RAB38: variants seen among roughly 807,000 people sequenced by gnomAD.
RAB38 encodes the protein ras-related protein Rab-38.
In RAB38, 15 loss-of-function variants were observed where a neutral mutation model predicts 18.4. The ratio of observed to expected loss-of-function variants is 0.82; its 90% confidence interval spans 0.55 to 1.26. The LOEUF (loss-of-function observed/expected upper bound fraction) is 1.26. RAB38 is among the 50% of genes most tolerant of loss of function. RAB38 has a pLI of 0.00. For missense variants in RAB38, 294 were observed against 267.4 expected (o/e 1.10, Z -0.69); for synonymous variants, 101 against 104.4 (o/e 0.97, Z 0.20).
At chr11:88,152,439 A>ATG (rs1285630159) in intron 1 of RAB38, among the ~76,000 whole-genome samples, 1 of 152,120 alleles carries the variant, frequency 6.6e-6, no homozygotes, top group Non-Finnish European at 1.5e-5. Context: ...GTATATATAT[A>ATG]TGTGTGTGTG....
chr11:88,050,845 G>C, the RAB38 span, among the ~76,000 whole-genome samples: 1 of 152,132 alleles, frequency 6.6e-6, no homozygotes, highest in Admixed American at 6.5e-5. Flanking sequence ...GTAACAGGAA[G>C]GTTGAGGAAG....
At chr11:88,044,416 T>C in the RAB38 span, among the ~76,000 whole-genome samples, 2 of 152,084 alleles carry the variant, frequency 1.3e-5, no homozygotes, top group Non-Finnish European at 2.9e-5. Flanking sequence ...TGGGCAGCCT[T>C]CCACCCTCCA....
the RAB38 span, among the ~76,000 whole-genome samples, chr11:88,035,871 T>C: frequency 6.6e-6 from 1 of 152,122 alleles, no homozygotes; most frequent in Non-Finnish European, 1.5e-5. Context: ...CTTTTTTTTT[T>C]CTTTTGGGAT....
At chr11:87,866,630 A>G in the RAB38 span, among the ~76,000 whole-genome samples, 1 of 151,652 alleles carries the variant, frequency 6.6e-6, no homozygotes, top group African/African-American at 2.4e-5. Flanking sequence ...TGTTCATTCC[A>G]TTTCAGTAAA....
the RAB38 span, among the ~76,000 whole-genome samples, chr11:88,011,084 C>A: frequency 6.6e-6 from 1 of 152,154 alleles, no homozygotes; most frequent in Non-Finnish European, 1.5e-5. Context: ...GAGGCTATTC[C>A]AGATGGGTAT....
chr11:87,935,194 C>T, the RAB38 span, among the ~76,000 whole-genome samples: 1,182 of 152,162 alleles, frequency 7.8e-3, 20 homozygotes, highest in African/African-American at 0.027. Context: ...TTTTAAAAAA[C>T]GTCTCCTCAG....
downstream of RAB38, among the ~76,000 whole-genome samples, chr11:88,110,484 C>T (rs1942458838): frequency 6.6e-6 from 1 of 152,036 alleles, no homozygotes; most frequent in Non-Finnish European, 1.5e-5. Flanking sequence ...AACAAACCTG[C>T]ACATTCTGCA....
chr11:88,017,773 T>G, the RAB38 span, among the ~76,000 whole-genome samples: 1 of 150,048 alleles, frequency 6.7e-6, no homozygotes, highest in African/African-American at 2.4e-5. Flanking sequence ...TCACCGCAAT[T>G]CCCTGTGATT....
At chr11:88,005,691 G>A in the RAB38 span, among the ~76,000 whole-genome samples, 1 of 148,944 alleles carries the variant, frequency 6.7e-6, no homozygotes, top group Non-Finnish European at 1.5e-5. Context: ...ATGTCTTGGA[G>A]CTTTTCCCTG....
chr11:88,043,762 A>G, the RAB38 span, among the ~76,000 whole-genome samples: 7 of 152,160 alleles, frequency 4.6e-5, no homozygotes, highest in African/African-American at 1.7e-4. Flanking sequence ...CTGCTCACAC[A>G]AAGCCTGTTT....
the RAB38 span, among the ~76,000 whole-genome samples, chr11:87,824,826 A>ACTGG: frequency 6.6e-6 from 1 of 152,196 alleles, no homozygotes; most frequent in Non-Finnish European, 1.5e-5. Flanking sequence ...CTGTGAAAAA[A>ACTGG]GAAAGTTAAA....
intron 2 of RAB38, among the ~76,000 whole-genome samples, chr11:88,132,705 T>A (rs2134798247): frequency 6.6e-6 from 1 of 152,296 alleles, no homozygotes; most frequent in African/African-American, 2.4e-5. Context: ...GTGATCCACC[T>A]GCCTTGGCCT....
At chr11:87,971,166 C>G in the RAB38 span, among the ~76,000 whole-genome samples, 1 of 151,986 alleles carries the variant, frequency 6.6e-6, no homozygotes, top group Non-Finnish European at 1.5e-5. Flanking sequence ...GAGTAGATTT[C>G]AAGCTATTGA....
chr11:87,870,196 T>G, the RAB38 span, among the ~76,000 whole-genome samples: 5 of 151,658 alleles, frequency 3.3e-5, no homozygotes, highest in African/African-American at 1.2e-4. Context: ...AAATCTTTTT[T>G]ATGAGCACCT....
At chr11:87,902,227 A>C in the RAB38 span, among the ~76,000 whole-genome samples, 1 of 151,552 alleles carries the variant, frequency 6.6e-6, no homozygotes, top group South Asian at 2.1e-4. Context: ...GAGAAAAGGA[A>C]ATTTCTATAA....
chr11:88,123,669 A>G (rs1942657085), intron 2 of RAB38, among the ~76,000 whole-genome samples: 1 of 152,200 alleles, frequency 6.6e-6, no homozygotes, highest in South Asian at 2.1e-4. Flanking sequence ...CTGTTGCTCC[A>G]CAGGTGATTT....
the RAB38 span, among the ~76,000 whole-genome samples, chr11:87,813,616 A>G: frequency 2.0e-5 from 3 of 152,152 alleles, no homozygotes; most frequent in Non-Finnish European, 2.9e-5. Flanking sequence ...AGGACTAAGC[A>G]TAGTGGGGTA....
the RAB38 span, among the ~76,000 whole-genome samples, chr11:88,089,840 G>T: frequency 6.6e-6 from 1 of 151,910 alleles, no homozygotes; most frequent in African/African-American, 2.4e-5. Context: ...GATTTTAAGG[G>T]TTGATATGAA....
At chr11:88,093,941 T>C in the RAB38 span, among the ~76,000 whole-genome samples, 9 of 151,872 alleles carry the variant, frequency 5.9e-5, no homozygotes, top group African/African-American at 2.2e-4. Flanking sequence ...TGCTAACTTA[T>C]CTGAGAAGGG....
Sources: allele counts gnomAD v4.1 joint callset (sites outside exome capture counted in the v4.1 genomes callset), GRCh38; gene constraint gnomAD v4.1.1; transcripts MANE v1.5; gene names NCBI Gene and HGNC (gene_info 2026-07-23, HGNC 2026-07-21).